Variants in BCKDHB observed in about 807,000 individuals in gnomAD.
The protein encoded by BCKDHB is branched chain keto acid dehydrogenase E1 subunit beta, also known as 2-oxoisovalerate dehydrogenase subunit beta, mitochondrial.
A neutral mutation model predicts 48.5 loss-of-function variants in BCKDHB; 41 were observed. The observed-to-expected ratio is 0.85, with a 90% CI of 0.66 to 1.10. The LOEUF (loss-of-function observed/expected upper bound fraction) is 1.10. Ranked by LOEUF, BCKDHB falls within the 50% of genes least tolerant of loss-of-function variation. The pLI is 0.00. For missense variants in BCKDHB, 496 were observed against 494.2 expected (o/e 1.00, Z -0.03); for synonymous variants, 201 against 174.8 (o/e 1.15, Z -1.18).
At chr6:80,166,644 A>C (rs1772585109) in intron 3 of BCKDHB, among the ~76,000 whole-genome samples, 1 of 141,402 alleles carries the variant, frequency 7.1e-6, no homozygotes, top group South Asian at 2.3e-4. Flanking sequence ...TGACAAGAGC[A>C]AAACTCCATC....
At position 80,201,035 on chromosome 6, in the gene BCKDHB, A is replaced by G; in HGVS notation, c.840+4A>G. ...TCTAGTTGCCTGGGGCACTCAGGTG[A>G]GTAGCATTGATCCCAACTGTTAAAA... On this transcript the variant is annotated splice_donor_region_variant and intron_variant, in intron 7 of 9. Coordinates refer to ENST00000320393, the MANE Select transcript of BCKDHB (RefSeq NM_183050.4). 2 of 1,593,042 alleles carry G rather than the reference A, an allele frequency of 1.3e-6. No homozygotes were observed. The highest frequency in any genetic ancestry group is 3.3e-5 in the Admixed American group (2 of 59,948).
At chr6:80,301,097 G>A (rs988703225) in intron 9 of BCKDHB, among the ~76,000 whole-genome samples, 4 of 150,276 alleles carry the variant, frequency 2.7e-5, no homozygotes, top group African/African-American at 9.8e-5. Context: ...GAAAGGTTTC[G>A]AATTAACAAT....
chr6:80,450,659 C>T, the BCKDHB span, among the ~76,000 whole-genome samples: 1 of 152,114 alleles, frequency 6.6e-6, no homozygotes, highest in South Asian at 2.1e-4. Context: ...TCACACTTCA[C>T]CCTTCTAATC....
intron 8 of BCKDHB, among the ~76,000 whole-genome samples, chr6:80,267,133 G>A (rs1777546924): frequency 6.6e-6 from 1 of 151,260 alleles, no homozygotes; most frequent in Admixed American, 6.6e-5. Flanking sequence ...GTGTTCTTCA[G>A]TAGGCATTGT....
chr6:80,331,750 T>C (rs539084364), intron 9 of BCKDHB, among the ~76,000 whole-genome samples: 3 of 152,352 alleles, frequency 2.0e-5, no homozygotes, highest in South Asian at 4.1e-4. Flanking sequence ...TTAACAGTTA[T>C]CAGTTTGGCA....
At chr6:80,231,861 A>G (rs757533045) in intron 8 of BCKDHB, among the ~76,000 whole-genome samples, 1 of 152,140 alleles carries the variant, frequency 6.6e-6, no homozygotes, top group Non-Finnish European at 1.5e-5. Context: ...GCTACTTGGG[A>G]GGCTGAGGCA....
intron 9 of BCKDHB, among the ~76,000 whole-genome samples, chr6:80,304,765 T>G (rs897410740): frequency 9.2e-5 from 14 of 152,146 alleles, no homozygotes; most frequent in African/African-American, 3.4e-4. Context: ...GACCTAACAT[T>G]AGACATTGTA....
At chr6:80,394,257 A>T in the BCKDHB span, among the ~76,000 whole-genome samples, 4 of 151,892 alleles carry the variant, frequency 2.6e-5, no homozygotes, top group Non-Finnish European at 5.9e-5. Flanking sequence ...TATTTGTTCT[A>T]CTTTCTGGCA....
intron 3 of BCKDHB, among the ~76,000 whole-genome samples, chr6:80,157,580 C>T (rs1246148677): frequency 6.6e-6 from 1 of 150,808 alleles, no homozygotes. Context: ...GTTCTCCTGC[C>T]TCAGCCTCCG....
At chr6:80,159,306 A>T (rs1333029585) in intron 3 of BCKDHB, among the ~76,000 whole-genome samples, 1 of 151,998 alleles carries the variant, frequency 6.6e-6, no homozygotes. Flanking sequence ...CCAAAAAAAC[A>T]ACAAAAAAAC....
At chr6:80,297,617 AT>A (rs1224073480) in intron 9 of BCKDHB, among the ~76,000 whole-genome samples, 1 of 152,104 alleles carries the variant, frequency 6.6e-6, no homozygotes, top group Non-Finnish European at 1.5e-5. Flanking sequence ...TAAGGGTCCC[AT>A]TTTTATTACC....
intron 8 of BCKDHB, among the ~76,000 whole-genome samples, chr6:80,256,371 C>T (rs1287351119): frequency 6.6e-6 from 1 of 152,058 alleles, no homozygotes; most frequent in Non-Finnish European, 1.5e-5. Context: ...TAAACCTGTG[C>T]GGCATGTTGC....
intron 8 of BCKDHB, among the ~76,000 whole-genome samples, chr6:80,253,910 TA>T (rs1776939471): frequency 1.3e-5 from 2 of 151,980 alleles, no homozygotes; most frequent in Non-Finnish European, 2.9e-5. Flanking sequence ...ATTATTAAAA[TA>T]GAAATTAAAA....
At position 80,167,412 on chromosome 6, in the gene BCKDHB, A is replaced by AT. The variant is rs890924272; in HGVS notation, c.344-257dup. On this transcript the variant is annotated intron_variant, in intron 3 of 9. Transcript: ENST00000320393. ...TTGGATTTAAATAATTCACCTTACTATTTTTTTTTAATAGAGACAGGTTTT... is the reference window on the plus strand; with the variant it reads ...TTGGATTTAAATAATTCACCTTACTATTTTTTTTTTAATAGAGACAGGTTTT... 1.8e-3 allele frequency among the ~76,000 whole-genome samples: 270 copies of AT among 150,452 alleles called. 1 individual carries two copies. The highest frequency in any genetic ancestry group is 6.1e-3 in the African/African-American group (250 of 41,010).
the BCKDHB span, among the ~76,000 whole-genome samples, chr6:80,414,630 T>C: frequency 6.6e-6 from 1 of 152,176 alleles, no homozygotes; most frequent in Non-Finnish European, 1.5e-5. Flanking sequence ...TGACTGCTTT[T>C]ATACCAGCAC....
chr6:80,181,586 T>C (rs1236458136), intron 6 of BCKDHB, among the ~76,000 whole-genome samples: 6 of 152,166 alleles, frequency 3.9e-5, no homozygotes, highest in African/African-American at 1.4e-4. Context: ...CTGATTTTAG[T>C]TGGGCTATTT....
At chr6:80,225,413 A>G (rs1775639977) in intron 8 of BCKDHB, among the ~76,000 whole-genome samples, 1 of 152,204 alleles carries the variant, frequency 6.6e-6, no homozygotes, top group South Asian at 2.1e-4. Flanking sequence ...AATAAAAAGT[A>G]TGTTGGGAGG....
the BCKDHB span, among the ~76,000 whole-genome samples, chr6:80,370,298 G>A: frequency 6.6e-6 from 1 of 152,112 alleles, no homozygotes; most frequent in Admixed American, 6.5e-5. Flanking sequence ...AAAATAAGGA[G>A]GACAAGAGAG....
chr6:80,294,247 T>C (rs1371197171), intron 9 of BCKDHB, among the ~76,000 whole-genome samples: 1 of 152,214 alleles, frequency 6.6e-6, no homozygotes, highest in Non-Finnish European at 1.5e-5. Context: ...ACTTTTATAA[T>C]TTCTTATGCC....
Sources: allele counts gnomAD v4.1 joint callset (sites outside exome capture counted in the v4.1 genomes callset), GRCh38; gene constraint gnomAD v4.1.1; transcripts MANE v1.5; gene names NCBI Gene and HGNC (gene_info 2026-07-23, HGNC 2026-07-21).